The following CFLAR variants were observed in gnomAD, a reference collection of about 807,000 sequenced individuals.
CFLAR encodes the protein CASP8 and FADD-like apoptosis regulator.
A neutral mutation model predicts 51.1 loss-of-function variants in CFLAR; 14 were observed. The ratio of observed to expected loss-of-function variants is 0.27; its 90% CI spans 0.18 to 0.43. CFLAR has a LOEUF of 0.43. Ranked by LOEUF, CFLAR falls within the 20% of genes least tolerant of loss-of-function variation. The pLI is 1.00. For synonymous variants in CFLAR, 210 were observed against 211.6 expected, an observed-to-expected ratio of 0.99 and a Z score of 0.06; for missense variants, 390 against 566.5, an observed-to-expected ratio of 0.69 and a Z score of 3.16.
At chr2:201,154,666 G>C (rs1378133255) in intron 8 of CFLAR, 2 of 152,232 alleles carry the variant, frequency 1.3e-5, no homozygotes, top group Non-Finnish European at 2.9e-5. Context: ...GTTTCTAAAA[G>C]CCATTCCTTT....
At chr2:201,163,714 G>A (rs1943280380) in intron 9 of CFLAR, 121 bp from the exon 10 acceptor site, 1 of 1,480,664 alleles carries the variant, frequency 6.8e-7, no homozygotes, top group Admixed American at 2.5e-5. Flanking sequence ...GCAGCTTGTG[G>A]TGCCTTCAGA....
rs868067810 is a variant in CFLAR, at chr2:201,138,869, C to T, written c.524-1488C>T. 5.6e-6 allele frequency: 4 copies of T among 708,206 alleles called. No individual in the cohort carries two copies. Among genetic ancestry groups the T allele is most frequent in the African/African-American group, 1.7e-5 (1 of 57,388 alleles). 43.9% of individuals were successfully genotyped at this position (708,206 alleles called of 1,614,324 possible). Reference sequence around the variant, plus strand: ...TGTCCATGGGGGAGGAGATCAGCGGCGTCTTCAGAGTGACCATTGGGTCAG... The same window carrying T: ...TGTCCATGGGGGAGGAGATCAGCGGTGTCTTCAGAGTGACCATTGGGTCAG... On this transcript the variant is annotated intron_variant, in intron 4 of 9. Transcript: ENST00000309955. This position sits in a 1 kb window ranked among gnomAD's most constrained non-coding sequence, Gnocchi z 4.0.
intron 9 of CFLAR, chr2:201,163,249 C>G (rs1172449585): frequency 3.1e-6 from 4 of 1,292,886 alleles, no homozygotes; most frequent in Non-Finnish European, 2.9e-6. Flanking sequence ...TGTTTATTGG[C>G]AAGAATACTT....
At chr2:201,119,987 C>T (rs1575584184) in intron 1 of CFLAR, among the ~76,000 whole-genome samples, 2 of 142,054 alleles carry the variant, frequency 1.4e-5, no homozygotes, top group African/African-American at 5.2e-5. Flanking sequence ...CTGCTTTTTT[C>T]TAAAAAAGAT....
Position 201,138,056 on chromosome 2 carries a change from T to C in CFLAR, c.523+1949T>C, listed in dbSNP as rs1386571735. The C allele has an allele frequency of 1.4e-6, 1 of 725,030 alleles. No individual in the cohort carries two copies. The allele number at this position is 725,030 out of a possible 1,614,324, so 44.9% of individuals were successfully genotyped here. Reference sequence around the variant, plus strand: ...CCTGGGGCTGACTGCAGGCTATCACTTCCTGGTTGATGTAGATGGAGCCGC... The same window carrying C: ...CCTGGGGCTGACTGCAGGCTATCACCTCCTGGTTGATGTAGATGGAGCCGC... On this transcript the variant is annotated intron_variant, in intron 4 of 9. Coordinates refer to ENST00000309955, the MANE Select transcript of CFLAR (RefSeq NM_003879.7). This position sits in a 1 kb window ranked among gnomAD's most constrained non-coding sequence, Gnocchi z 4.0.
rs1304439627 is a variant in CFLAR at position 201,124,024 on chromosome 2, C to T, written c.-137-5705C>T. Among the ~76,000 whole-genome samples the T allele has an allele frequency of 6.6e-6, 1 of 152,202 alleles. No individual in the cohort carries two copies. The highest frequency in any genetic ancestry group is 1.5e-5 in the Non-Finnish European group (1 of 68,044). ...TTGCAAGAAATTACATTTGCATTCA[C>T]GCTGTGGCTCACTGGACATGACATT... is the stretch of plus-strand genomic sequence containing the variant. On this transcript the variant is annotated intron_variant, in intron 1 of 9. Transcript: ENST00000309955. This position sits in a 1 kb window ranked among gnomAD's most constrained non-coding sequence, Gnocchi z 4.7.
chr2:201,132,430 A>AATATATATAT lies in CFLAR; in HGVS notation c.282-583_282-574dup, dbSNP rs35648857. Among the ~76,000 whole-genome samples, 392 of 137,946 alleles carry AATATATATAT rather than the reference A, an allele frequency of 2.8e-3. 2 individuals are homozygous for AATATATATAT. The highest frequency in any genetic ancestry group is 9.7e-3 in the African/African-American group (354 of 36,362). The allele number at this position is 137,946 out of a possible 152,430, so 90.5% of individuals were successfully genotyped here. ...AAAGTCTATTTCCTAGGGGGGGAAA[A>AATATATATAT]ATATATATATATATATATATATATA... On this transcript the variant is annotated intron_variant, in intron 2 of 9. Coordinates refer to ENST00000309955, the MANE Select transcript of CFLAR (RefSeq NM_003879.7).
At chr2:201,120,023 C>CTTTTTTTTTTTT (rs34076189) in intron 1 of CFLAR, among the ~76,000 whole-genome samples, 9 of 112,352 alleles carry the variant, frequency 8.0e-5, no homozygotes, top group South Asian at 2.8e-4. Context: ...CTTTTCTTTT[C>CTTTTTTTTTTTT]TTTTTTTTTT....
intron 8 of CFLAR, among the ~76,000 whole-genome samples, chr2:201,155,727 A>T (rs1434384764): frequency 6.6e-6 from 1 of 151,876 alleles, no homozygotes; most frequent in African/African-American, 2.4e-5. Flanking sequence ...GGGCTCAAGC[A>T]ATCCTCTCAC....
At chr2:201,163,314 T>C (rs1943242374) in intron 9 of CFLAR, 3 of 1,243,524 alleles carry the variant, frequency 2.4e-6, no homozygotes, top group Non-Finnish European at 3.0e-6. Flanking sequence ...GAAGCCACAA[T>C]GTACCTCAAG....
chr2:201,152,559 C>G (rs529659075), intron 8 of CFLAR, among the ~76,000 whole-genome samples: 2 of 152,286 alleles, frequency 1.3e-5, no homozygotes, highest in East Asian at 3.9e-4. Context: ...CAAGAGCTCA[C>G]CATGGCTTTG....
chr2:201,163,607 C>T, intron 9 of CFLAR: 1 of 1,336,066 alleles, frequency 7.5e-7, no homozygotes, highest in Non-Finnish European at 9.6e-7. Context: ...TATCATCTGG[C>T]TGGTATGTTC....
chr2:201,148,636 A>G (rs1369222968), intron 6 of CFLAR: 1 of 214,688 alleles, frequency 4.7e-6, no homozygotes, highest in Non-Finnish European at 9.6e-6. Context: ...TATTGTCAAC[A>G]GTTTCAGCAC....
At chr2:201,136,423 G>A (rs1559197450) in intron 4 of CFLAR, 2 of 1,598,386 alleles carry the variant, frequency 1.3e-6, no homozygotes, top group Non-Finnish European at 1.7e-6. Flanking sequence ...TTGCATGTAT[G>A]CTGAACCCTA....
intron 2 of CFLAR, among the ~76,000 whole-genome samples, chr2:201,131,962 A>G (rs1489116038): frequency 3.3e-5 from 5 of 152,104 alleles, no homozygotes; most frequent in Non-Finnish European, 7.4e-5. Flanking sequence ...TACTTTTTAA[A>G]CTGTGAAGCA....
chr2:201,171,991 A>G lies in CFLAR; in HGVS notation c.*8018A>G, dbSNP rs1944049449. 6.6e-6 allele frequency: 1 copy of G among 152,212 alleles called. No individual in the cohort carries two copies. The highest frequency in any genetic ancestry group is 1.5e-5 in the Non-Finnish European group (1 of 68,044). The allele number at this position is 152,212 out of a possible 1,614,324, so 9.4% of individuals were successfully genotyped here. On this transcript the variant is annotated 3_prime_UTR_variant, in exon 10 of 10. Coordinates refer to ENST00000309955, the MANE Select transcript of CFLAR (RefSeq NM_003879.7). ...TACCATCTCCTTCTATCCTCCATGAAGTCAGTTATCTCTTCCATTGGAATT... is the reference window on the plus strand; with the variant it reads ...TACCATCTCCTTCTATCCTCCATGAGGTCAGTTATCTCTTCCATTGGAATT...
rs1254344059 is a variant in CFLAR, at chr2:201,169,355, A to G, written c.*5382A>G. The G allele has an allele frequency of 6.6e-6, 1 of 152,194 alleles. No individual in the cohort carries two copies. Among genetic ancestry groups the G allele is most frequent in the Admixed American group, 6.5e-5 (1 of 15,272 alleles). 9.4% of individuals were successfully genotyped at this position (152,194 alleles called of 1,614,324 possible). A position where few individuals can be genotyped will look rare whatever the true frequency, so the allele number is the denominator to read the frequency against. ...TCGACAAACCTGACAAAAACAAGCAATGGGGAAAAGATTCCCTATTTAATA... is the reference window on the plus strand; with the variant it reads ...TCGACAAACCTGACAAAAACAAGCAGTGGGGAAAAGATTCCCTATTTAATA... On this transcript the variant is annotated 3_prime_UTR_variant, in exon 10 of 10. Transcript: ENST00000309955.
Position 201,148,985 on chromosome 2 carries a change from C to A in CFLAR, c.662-18C>A. ...TCTCCTTCAGCTTTGTAAATGGTTT[C>A]TCTCTCTCATCCCCCAGAAGAACCA... On this transcript the variant is annotated intron_variant, in intron 6 of 9. Transcript: ENST00000309955. 2 of 1,600,068 alleles carry A rather than the reference C, an allele frequency of 1.2e-6. No individual in the cohort carries two copies. Among genetic ancestry groups the A allele is most frequent in the Non-Finnish European group, 1.7e-6 (2 of 1,167,324 alleles).
chr2:201,119,515 GTTCT>G (rs2125584472), intron 1 of CFLAR, among the ~76,000 whole-genome samples: 2 of 152,220 alleles, frequency 1.3e-5, no homozygotes, highest in Non-Finnish European at 2.9e-5. Context: ...GAACCCGGTC[GTTCT>G]TTCTTACTAT....
Sources: allele counts gnomAD v4.1 joint callset (sites outside exome capture counted in the v4.1 genomes callset), GRCh38; gene constraint gnomAD v4.1.1; non-coding constraint Gnocchi (gnomAD v3.1); transcripts MANE v1.5; gene names NCBI Gene and HGNC (gene_info 2026-07-23, HGNC 2026-07-21).